Variants in PTPRD observed in about 807,000 individuals in gnomAD.
PTPRD encodes the protein receptor-type tyrosine-protein phosphatase delta.
PTPRD carries 34 observed loss-of-function variants against 214.5 expected under a neutral mutation model. That is an observed-to-expected ratio of 0.16 (90% CI 0.12 to 0.21). The LOEUF is 0.21. PTPRD is among the 10% of genes least tolerant of loss of function. The pLI, the probability that PTPRD is intolerant of heterozygous loss-of-function variation, is 1.00. For synonymous variants in PTPRD, 1,128 were observed against 845.7 expected (o/e 1.33, Z -5.79); for missense variants, 2,545 against 2,398.7 (o/e 1.06, Z -1.27).
chr9:8,533,833 C>T (rs946327718), intron 14 of PTPRD, among the ~76,000 whole-genome samples: 2 of 152,004 alleles, frequency 1.3e-5, no homozygotes, highest in African/African-American at 4.8e-5. Context: ...TTTTTCAGCA[C>T]TCACTCATGA....
chr9:8,668,700 A>G (rs976409066), intron 12 of PTPRD, among the ~76,000 whole-genome samples: 10 of 152,240 alleles, frequency 6.6e-5, no homozygotes, highest in African/African-American at 2.4e-4. Flanking sequence ...ATTGCAATGT[A>G]TATGCACTGT....
chr9:10,267,404 A>T (rs2475349), intron 3 of PTPRD, among the ~76,000 whole-genome samples: 110,337 of 151,894 alleles, frequency 0.73, 41,151 homozygotes, highest in Non-Finnish European at 0.82. Flanking sequence ...AATGAAAAAA[A>T]TGTACGTTAA....
intron 39 of PTPRD, among the ~76,000 whole-genome samples, chr9:8,373,105 T>G (rs10977013): frequency 1.3e-5 from 2 of 152,022 alleles, no homozygotes; most frequent in Non-Finnish European, 2.9e-5. Context: ...ATGGCTATTG[T>G]GGCTTTTTGC....
chr9:9,695,884 G>A (rs1261426598), intron 7 of PTPRD, among the ~76,000 whole-genome samples: 1 of 152,028 alleles, frequency 6.6e-6, no homozygotes, highest in Non-Finnish European at 1.5e-5. Flanking sequence ...CCTTGTCTGG[G>A]TTTGGTATCA....
At chr9:8,727,514 G>C (rs923530278) in intron 12 of PTPRD, among the ~76,000 whole-genome samples, 2 of 152,142 alleles carry the variant, frequency 1.3e-5, no homozygotes, top group African/African-American at 2.4e-5. Context: ...AAACAATGAA[G>C]GCTGATAAAC....
chr9:9,195,029 T>TG, intron 9 of PTPRD, among the ~76,000 whole-genome samples: 1 of 150,574 alleles, frequency 6.6e-6, no homozygotes, highest in Admixed American at 6.7e-5. Flanking sequence ...TATATGTGTG[T>TG]GTGTGTATAT....
At chr9:9,319,986 A>C (rs988050359) in intron 9 of PTPRD, among the ~76,000 whole-genome samples, 10 of 152,162 alleles carry the variant, frequency 6.6e-5, no homozygotes, top group African/African-American at 2.4e-4. Context: ...ATTGATTCCA[A>C]AAAGGAAACT....
chr9:9,071,991 A>G (rs1214593006), intron 10 of PTPRD, among the ~76,000 whole-genome samples: 4 of 152,052 alleles, frequency 2.6e-5, no homozygotes, highest in Admixed American at 6.6e-5. Flanking sequence ...CCCCTTCCTC[A>G]TCACTGCACA....
intron 3 of PTPRD, among the ~76,000 whole-genome samples, chr9:10,047,984 T>C (rs1310556448): frequency 6.6e-6 from 1 of 152,184 alleles, no homozygotes; most frequent in Non-Finnish European, 1.5e-5. Context: ...TAGTTCCCAT[T>C]ATAACAGAGT....
intron 8 of PTPRD, among the ~76,000 whole-genome samples, chr9:9,491,921 G>C (rs1359702281): frequency 1.3e-5 from 2 of 151,834 alleles, no homozygotes; most frequent in African/African-American, 4.8e-5. Flanking sequence ...ATAGATAATA[G>C]AAAAACAGTA....
intron 7 of PTPRD, among the ~76,000 whole-genome samples, chr9:9,727,135 A>T (rs2098109859): frequency 6.6e-6 from 1 of 152,170 alleles, no homozygotes; most frequent in Non-Finnish European, 1.5e-5. Context: ...TATGATAGAT[A>T]ATGTCAGACT....
At chr9:9,767,249 G>C (rs946280159) in intron 5 of PTPRD, among the ~76,000 whole-genome samples, 1 of 151,926 alleles carries the variant, frequency 6.6e-6, no homozygotes, top group Admixed American at 6.6e-5. Flanking sequence ...AGGTTAAATA[G>C]ATTTTATAAT....
intron 8 of PTPRD, among the ~76,000 whole-genome samples, chr9:9,407,884 T>A (rs966641555): frequency 4.6e-5 from 7 of 151,868 alleles, no homozygotes; most frequent in African/African-American, 1.7e-4. Context: ...AATTATCTTG[T>A]AAAATTTTGG....
At chr9:10,071,787 A>C (rs540876724) in intron 3 of PTPRD, among the ~76,000 whole-genome samples, 2 of 152,096 alleles carry the variant, frequency 1.3e-5, no homozygotes, top group East Asian at 1.9e-4. Context: ...TCTTAGTTTC[A>C]GGGAAAAAAA....
At chr9:8,678,839 C>T (rs2097491608) in intron 12 of PTPRD, among the ~76,000 whole-genome samples, 1 of 152,066 alleles carries the variant, frequency 6.6e-6, no homozygotes, top group Admixed American at 6.6e-5. Context: ...TGGTTTGGAA[C>T]CTATTCTCTG....
At position 9,024,401 on chromosome 9, in the gene PTPRD, G is replaced by C. The variant is rs185473172; in HGVS notation, c.-142-5666C>G. On this transcript the variant is annotated intron_variant, in intron 10 of 45. Transcript: ENST00000381196. ...CAGCCTTGTGATAAACATCCTTCAG[G>C]CTATATATTTGCATGAATCATGATT... 4.2e-5 allele frequency among the ~76,000 whole-genome samples: 6 copies of C among 143,028 alleles called. 1 individual carries two copies. Among genetic ancestry groups the C allele is most frequent in the African/African-American group, 8.0e-5 (3 of 37,392 alleles). The allele number at this position is 143,028 out of a possible 152,430, so 93.8% of individuals were successfully genotyped here. A position where few individuals can be genotyped will look rare whatever the true frequency, so the allele number is the denominator to read the frequency against.
At chr9:10,358,344 A>G (rs2097315259) in intron 2 of PTPRD, among the ~76,000 whole-genome samples, 1 of 152,034 alleles carries the variant, frequency 6.6e-6, no homozygotes, top group Non-Finnish European at 1.5e-5. Context: ...ATTTGGGAAT[A>G]AAGATAGCAA....
intron 3 of PTPRD, among the ~76,000 whole-genome samples, chr9:10,198,776 T>C (rs1422079403): frequency 6.6e-6 from 1 of 152,116 alleles, no homozygotes; most frequent in Non-Finnish European, 1.5e-5. Flanking sequence ...TTCCCAGTGA[T>C]AATTTATTTT....
intron 5 of PTPRD, among the ~76,000 whole-genome samples, chr9:9,889,420 T>C (rs2072368151): frequency 6.6e-6 from 1 of 152,056 alleles, no homozygotes; most frequent in African/African-American, 2.4e-5. Context: ...TTTAAAAGTA[T>C]TTAAATAAAT....
Sources: gnomAD v4.1 joint callset for allele counts (sites outside exome capture counted in the v4.1 genomes callset) on GRCh38, gnomAD v4.1.1 for gene constraint, MANE v1.5 for transcripts, NCBI Gene and HGNC (gene_info 2026-07-23, HGNC 2026-07-21) for gene names.